The following PCDHA8 variants were observed in gnomAD, a reference collection of about 807,000 sequenced individuals.
PCDHA8 encodes protocadherin alpha-8.
A neutral mutation model predicts 61.8 loss-of-function variants in PCDHA8; 53 were observed. The ratio of observed to expected loss-of-function variants is 0.86; its 90% CI spans 0.69 to 1.08. PCDHA8 has a LOEUF of 1.08. Among genes scored for constraint, PCDHA8 ranks in the 50% least tolerant of loss-of-function variants. PCDHA8 has a pLI of 0.00. For missense variants in PCDHA8, 1,293 were observed against 1,245.0 expected (o/e 1.04, Z -0.58); for synonymous variants, 618 against 556.6 (o/e 1.11, Z -1.55).
intron 1 of PCDHA8, among the ~76,000 whole-genome samples, chr5:140,977,204 A>G (rs1051271481): frequency 9.9e-5 from 15 of 152,170 alleles, no homozygotes; most frequent in Non-Finnish European, 1.6e-4. Context: ...AGTTGCAGCA[A>G]TTTTCATCAT....
At chr5:141,003,423 T>G (rs1278383006) in intron 3 of PCDHA8, among the ~76,000 whole-genome samples, 1 of 152,164 alleles carries the variant, frequency 6.6e-6, no homozygotes, top group Non-Finnish European at 1.5e-5. Context: ...GTGATTCTTA[T>G]GCCTCAGCCT....
intron 1 of PCDHA8, chr5:140,877,670 C>T: frequency 6.8e-6 from 11 of 1,613,654 alleles, no homozygotes; most frequent in Non-Finnish European, 7.6e-6. Flanking sequence ...AGCCGGTGCG[C>T]GCCGGGCAAG....
At chr5:140,954,844 C>T (rs1195160424) in intron 1 of PCDHA8, among the ~76,000 whole-genome samples, 1 of 152,070 alleles carries the variant, frequency 6.6e-6, no homozygotes, top group African/African-American at 2.4e-5. Flanking sequence ...GAAATCTTTG[C>T]CTGTGCCTAT....
intron 1 of PCDHA8, among the ~76,000 whole-genome samples, chr5:140,950,273 T>G (rs1218178621): frequency 6.6e-5 from 10 of 152,008 alleles, no homozygotes; most frequent in African/African-American, 1.9e-4. Flanking sequence ...CCATAATGTC[T>G]TTTTGCTTCA....
chr5:140,909,462 C>T (rs2074519059), intron 1 of PCDHA8, among the ~76,000 whole-genome samples: 1 of 152,212 alleles, frequency 6.6e-6, no homozygotes, highest in Non-Finnish European at 1.5e-5. Flanking sequence ...ATCCATCTGT[C>T]TTCTTCACAG....
chr5:140,965,821 C>T (rs782710036), intron 1 of PCDHA8, among the ~76,000 whole-genome samples: 9 of 152,150 alleles, frequency 5.9e-5, no homozygotes, highest in Non-Finnish European at 1.0e-4. Flanking sequence ...GCATTTTAAA[C>T]ATTTAAATAT....
intron 3 of PCDHA8, among the ~76,000 whole-genome samples, chr5:141,005,774 G>A (rs2098239231): frequency 1.4e-5 from 2 of 144,252 alleles, no homozygotes; most frequent in Non-Finnish European, 3.0e-5. Flanking sequence ...AACCAGATGT[G>A]TAAAGATCCT....
chr5:140,925,027 C>A (rs1238112043), intron 1 of PCDHA8, among the ~76,000 whole-genome samples: 1 of 151,680 alleles, frequency 6.6e-6, no homozygotes, highest in Non-Finnish European at 1.5e-5. Flanking sequence ...GGGAGGATCG[C>A]TTGAGCCCAG....
chr5:140,926,914 G>A (rs1563085125), intron 1 of PCDHA8: 7 of 1,565,570 alleles, frequency 4.5e-6, no homozygotes, highest in African/African-American at 1.4e-5. Context: ...TGGGGTGGCA[G>A]TTTTATGTTT....
rs545349225 is a variant in PCDHA8, at chr5:140,969,608, C to T, written c.2395-9341C>T. On this transcript the variant is annotated intron_variant, in intron 1 of 3. Coordinates refer to ENST00000531613, the MANE Select transcript of PCDHA8 (RefSeq NM_018911.3). ...AGTCTTAATATTTAATGCTAAAACA[C>T]AGATTTGTAGAGAAACAGGACAGGC... 646 of 747,324 alleles carry T rather than the reference C, an allele frequency of 8.6e-4. 1 individual carries two copies. Among genetic ancestry groups the T allele is most frequent in the Middle Eastern group, 3.2e-3 (8 of 2,532 alleles). The allele number at this position is 747,324 out of a possible 1,614,324, so 46.3% of individuals were successfully genotyped here. A position where few individuals can be genotyped will look rare whatever the true frequency, so the allele number is the denominator to read the frequency against.
At position 140,853,857 on chromosome 5, in the gene PCDHA8, A is replaced by C. The variant is rs2042888129; in HGVS notation, c.2394+10142A>C. ...AATTTTAGATCCATAGCCCTATTTG[A>C]TACTTGACAGTGCAAGTTTCTGTAA... On this transcript the variant is annotated intron_variant, in intron 1 of 3. Transcript: ENST00000531613. 6.1e-6 allele frequency: 6 copies of C among 985,610 alleles called. 1 individual carries two copies. The highest frequency in any genetic ancestry group is 7.3e-6 in the Non-Finnish European group (6 of 817,684). 61.1% of individuals were successfully genotyped at this position (985,610 alleles called of 1,614,324 possible).
At chr5:140,973,972 G>A (rs1467007704) in intron 1 of PCDHA8, among the ~76,000 whole-genome samples, 1 of 152,186 alleles carries the variant, frequency 6.6e-6, no homozygotes, top group Non-Finnish European at 1.5e-5. Flanking sequence ...TTTAAATGTG[G>A]CTTTTACAGA....
At position 140,858,438 on chromosome 5, in the gene PCDHA8, TG is replaced by T; in HGVS notation, c.2394+14726del. ...ATTGGAGGGGACCACTCTAGGAAGG[TG>T]GGTTATTACGTTTTCATTTTCCTTT... On this transcript the variant is annotated intron_variant, in intron 1 of 3. Transcript: ENST00000531613. 1 of 1,540,928 alleles carries T rather than the reference TG, an allele frequency of 6.5e-7. No individual in the cohort carries two copies. The highest frequency in any genetic ancestry group is 8.8e-7 in the Non-Finnish European group (1 of 1,134,396).
chr5:140,857,185 A>T (rs782245615), intron 1 of PCDHA8: 1 of 1,598,506 alleles, frequency 6.3e-7, no homozygotes, highest in South Asian at 1.1e-5. Flanking sequence ...ATGATTCAGG[A>T]GCCAACGGAC....
In PCDHA8 at chr5:140,841,754, T is replaced by A; in HGVS notation, c.433T>A (p.Ser145Thr). The stretch of plus-strand genomic sequence containing the variant: ...AGACCAAAAGCTGTTTGTTTCAGAA[T>A]CCAGAATGCCAGACTCTCGGTTTCC... ...VKDQKLFVSESRMPDSRFPLE... is the reference protein window; with the variant it reads ...VKDQKLFVSETRMPDSRFPLE... Residue 145 changes from serine (S) to threonine (T), a missense_variant, in exon 1 of 4, where the codon TCC becomes ACC. Coordinates refer to ENST00000531613, the MANE Select transcript of PCDHA8 (RefSeq NM_018911.3). 1 of 1,613,818 alleles carries A rather than the reference T, an allele frequency of 6.2e-7. No individual in the cohort carries two copies. The highest frequency in any genetic ancestry group is 8.5e-7 in the Non-Finnish European group (1 of 1,179,830).
chr5:140,949,172 A>G (rs574592967), intron 1 of PCDHA8, among the ~76,000 whole-genome samples: 3 of 151,856 alleles, frequency 2.0e-5, no homozygotes, highest in African/African-American at 7.2e-5. Context: ...TCTTTTGGTC[A>G]GAGAACATAC....
chr5:140,888,941 TAA>T (rs1361014830), intron 1 of PCDHA8, among the ~76,000 whole-genome samples: 2 of 152,086 alleles, frequency 1.3e-5, no homozygotes, highest in Non-Finnish European at 1.5e-5. Flanking sequence ...GAGGGAGGTA[TAA>T]ATTTTTTCTT....
intron 1 of PCDHA8, among the ~76,000 whole-genome samples, chr5:140,965,140 TG>T (rs1191631396): frequency 2.0e-5 from 3 of 152,150 alleles, no homozygotes; most frequent in Non-Finnish European, 4.4e-5. Flanking sequence ...GACAGAATAC[TG>T]GGAGATGAAG....
intron 1 of PCDHA8, chr5:140,852,935 G>A: frequency 1.6e-6 from 1 of 611,692 alleles, no homozygotes; most frequent in Non-Finnish European, 2.1e-6. Flanking sequence ...CTGGAGTGCA[G>A]TGGTGCCATC....
Sources: gnomAD v4.1 joint callset for allele counts (sites outside exome capture counted in the v4.1 genomes callset) on GRCh38, gnomAD v4.1.1 for gene constraint, MANE v1.5 for transcripts, NCBI Gene and HGNC (gene_info 2026-07-23, HGNC 2026-07-21) for gene names.